SORBS2: variants seen among roughly 807,000 people sequenced by gnomAD.
The protein encoded by SORBS2 is sorbin and SH3 domain containing 2.
SORBS2 carries 46 observed loss-of-function variants against 97.7 expected under a neutral mutation model. The ratio of observed to expected loss-of-function variants is 0.47; its 90% CI spans 0.37 to 0.60. The LOEUF is 0.60. SORBS2 is among the 20% of genes least tolerant of loss of function. The probability of loss-of-function intolerance (pLI) is 0.00; values close to 1 mark genes in which losing one functional copy is unlikely to be tolerated. For synonymous variants in SORBS2, 476 were observed against 473.4 expected (o/e 1.01, Z -0.07); for missense variants, 1,316 against 1,282.3 (o/e 1.03, Z -0.40).
At chr4:185,743,717 C>T (rs1562250298) in intron 2 of SORBS2, among the ~76,000 whole-genome samples, 3 of 152,124 alleles carry the variant, frequency 2.0e-5, no homozygotes, top group Admixed American at 2.0e-4. Context: ...GCCCCTCCTC[C>T]TCCTGATTCA....
In SORBS2 at chr4:185,929,609, C is replaced by A. The variant is rs142844082; in HGVS notation, c.-338+26587G>T. On this transcript the variant is annotated intron_variant, in intron 1 of 20. Transcript: ENST00000284776. ...GTGGTGCAATCTCGACTCACTGACT[C>A]ACTGGAACCTCCGCCTCCCGGGTTC... is the stretch of plus-strand genomic sequence containing the variant. Among the ~76,000 whole-genome samples the A allele has an allele frequency of 1.3e-4, 19 of 150,440 alleles. No individual in the cohort carries two copies. The East Asian group carries it at 3.7e-3, about 30-fold the overall frequency.
exon 15 of SORBS2, chr4:185,587,590 G>T (rs199545440): frequency 1.3e-6 from 2 of 1,596,924 alleles, no homozygotes; most frequent in East Asian, 2.2e-5. Flanking sequence ...CAGGTGCATG[G>T]CTGGCAGGCG....
intron 1 of SORBS2, among the ~76,000 whole-genome samples, chr4:185,888,734 C>T (rs2099240941): frequency 6.6e-6 from 1 of 152,202 alleles, no homozygotes; most frequent in African/African-American, 2.4e-5. Context: ...CATGGTGTGG[C>T]CCCAGCAGCC....
At chr4:185,827,279 TCATCATCAC>T (rs2099201129) in intron 1 of SORBS2, among the ~76,000 whole-genome samples, 60 of 56,916 alleles carry the variant, frequency 1.1e-3, no homozygotes, top group African/African-American at 3.4e-3. Context: ...ATCATCACCA[TCATCATCAC>T]CATCATCATC....
intron 2 of SORBS2, among the ~76,000 whole-genome samples, chr4:185,751,671 G>T (rs2098801265): frequency 6.6e-6 from 1 of 152,064 alleles, no homozygotes; most frequent in South Asian, 2.1e-4. Flanking sequence ...ACGTACACAT[G>T]AACGAAAGAG....
chr4:185,776,549 A>T (rs960317950), intron 1 of SORBS2, among the ~76,000 whole-genome samples: 2 of 152,128 alleles, frequency 1.3e-5, no homozygotes, highest in Non-Finnish European at 2.9e-5. Context: ...ATGCTTAAGT[A>T]GTCAGAAAGT....
intron 1 of SORBS2, among the ~76,000 whole-genome samples, chr4:185,896,539 G>A (rs755723478): frequency 1.3e-5 from 2 of 152,174 alleles, no homozygotes; most frequent in South Asian, 2.1e-4. Context: ...AGCCAAGATC[G>A]CGCCACTGCA....
chr4:185,645,221 A>C (rs1309239249), intron 4 of SORBS2, among the ~76,000 whole-genome samples: 1 of 152,198 alleles, frequency 6.6e-6, no homozygotes, highest in Non-Finnish European at 1.5e-5. Flanking sequence ...AGATCATTAA[A>C]ATTTTGTTAT....
chr4:185,742,120 A>T (rs967316381), intron 2 of SORBS2, among the ~76,000 whole-genome samples: 6 of 152,160 alleles, frequency 3.9e-5, no homozygotes, highest in African/African-American at 1.4e-4. Flanking sequence ...GAAGACGATA[A>T]TCTCTAGCTC....
intron 1 of SORBS2, among the ~76,000 whole-genome samples, chr4:185,781,770 G>C (rs2099032220): frequency 6.6e-6 from 1 of 152,254 alleles, no homozygotes; most frequent in Admixed American, 6.5e-5. Context: ...CTGGCTCAAT[G>C]TGATGGGAAT....
chr4:185,646,417 G>GTATA (rs35114445), intron 4 of SORBS2: 29 of 300,968 alleles, frequency 9.6e-5, no homozygotes, highest in African/African-American at 4.8e-4. Flanking sequence ...ATGTGTGTGT[G>GTATA]TATATATATA....
chr4:185,918,466 G>A (rs1054820599), intron 1 of SORBS2: 2 of 152,162 alleles, frequency 1.3e-5, no homozygotes, highest in Non-Finnish European at 1.5e-5. Flanking sequence ...GTGCCCAACT[G>A]ACTGATCTTT....
At position 185,623,473 on chromosome 4, in the gene SORBS2, GTGGTGGTGGTGA is replaced by G. The variant is rs769072500; in HGVS notation, c.1644_1655del (p.His551_His554del). 8.7e-6 allele frequency: 14 copies of G among 1,612,856 alleles called. No individual in the cohort carries two copies. In the Middle Eastern group the frequency reaches 6.6e-4, roughly 76 times the overall value. Reference sequence around the variant, plus strand: ...AGGAGCTGATGAGGTGGCGGTGGTGGTGGTGGTGGTGATGGTGGTGGTGGTGGCTGGATCCGT... The same window carrying G: ...AGGAGCTGATGAGGTGGCGGTGGTGGTGGTGGTGGTGGTGGCTGGATCCGT... On this transcript the variant is annotated inframe_deletion, in exon 7 of 15. Coordinates refer to ENST00000418609, the Ensembl canonical transcript of SORBS2. The surrounding 1 kb of genome is among the most constrained non-coding windows in gnomAD (Gnocchi z 6.4).
At chr4:185,694,638 A>T (rs2098143778) in intron 2 of SORBS2, among the ~76,000 whole-genome samples, 1 of 151,318 alleles carries the variant, frequency 6.6e-6, no homozygotes, top group African/African-American at 2.4e-5. Context: ...AAACAGCATG[A>T]CTTCGGGTCT....
At chr4:185,807,479 T>C (rs540066423) in intron 1 of SORBS2, among the ~76,000 whole-genome samples, 1 of 152,206 alleles carries the variant, frequency 6.6e-6, no homozygotes, top group Non-Finnish European at 1.5e-5. Flanking sequence ...GGTAAACTAG[T>C]ATATTTCCGT....
chr4:185,696,905 C>T (rs1461312231), intron 2 of SORBS2, among the ~76,000 whole-genome samples: 1 of 152,080 alleles, frequency 6.6e-6, no homozygotes, highest in Non-Finnish European at 1.5e-5. Context: ...ATGTGCAAAT[C>T]AAAAGCCAAA....
At chr4:185,614,160 T>G (rs936106130) in intron 11 of SORBS2, among the ~76,000 whole-genome samples, 5 of 47,894 alleles carry the variant, frequency 1.0e-4, no homozygotes, top group African/African-American at 3.8e-4. Flanking sequence ...TTTTTTTGTG[T>G]TTTTTTTTTT....
intron 5 of SORBS2, among the ~76,000 whole-genome samples, chr4:185,629,128 G>GTGAA (rs1298223350): frequency 1.3e-5 from 2 of 152,178 alleles, no homozygotes; most frequent in Non-Finnish European, 2.9e-5. Context: ...AAATGGTAAA[G>GTGAA]TGAATACATG....
At chr4:185,868,337 C>T (rs6837741) in intron 1 of SORBS2, among the ~76,000 whole-genome samples, 43,909 of 150,498 alleles carry the variant, frequency 0.29, 6,791 homozygotes, top group African/African-American at 0.36. Flanking sequence ...TTTGTATTTT[C>T]AGTAGAGACA....
Sources: gnomAD v4.1 joint callset for allele counts (sites outside exome capture counted in the v4.1 genomes callset) on GRCh38, gnomAD v4.1.1 for gene constraint, Gnocchi (gnomAD v3.1) non-coding constraint, MANE v1.5 for transcripts, NCBI Gene and HGNC (gene_info 2026-07-23, HGNC 2026-07-21) for gene names.